The following MAGEB5 variants were observed in gnomAD, a reference collection of about 807,000 sequenced individuals.
MAGEB5 encodes the protein MAGE family member B5.
For missense variants in MAGEB5, 189 were observed against 197.1 expected (o/e 0.96, Z 0.25); for synonymous variants, 70 against 75.0 (o/e 0.93, Z 0.34).
rs755634192 is a variant in MAGEB5, at chrX:26,217,900, A to G, written c.599A>G (p.Tyr200Cys). The change falls in exon 2 of 2, where the codon TAT (tyrosine) becomes TGT (cysteine). Residue 200 changes from tyrosine to cysteine, a missense_variant. By Grantham distance (194) the Tyr-to-Cys change is radical. Transcript: ENST00000602297. ...GTGCCCTGCAGTTATCCTGCACACT[A>G]TCAATTCCTTTGGGGTCCAAGAGCC... ...HQVPCSYPAHYQFLWGPRAYT... is the reference protein window; with the variant it reads ...HQVPCSYPAHCQFLWGPRAYT... 8.3e-6 allele frequency: 10 copies of G among 1,203,197 alleles called. No individual in the cohort carries two copies. In the African/African-American group the frequency reaches 1.8e-4, roughly 21 times the overall value.
At position 26,217,327 on chromosome X, in the gene MAGEB5, C is replaced by A; in HGVS notation, c.26C>A (p.Ala9Glu). ...ATGACTTCTGCAGGTGTTTTTAATG[C>A]AGGATCTGACGAAAGGGCTAACAGT... MTSAGVFN[A>E]GSDERANSRD... Residue 9 changes from alanine to glutamate, a missense_variant, in exon 2 of 2, where the codon GCA becomes GAA. By Grantham distance (107) the Ala-to-Glu change is moderately radical (BLOSUM62 -1). Transcript: ENST00000602297. The A allele has an allele frequency of 1.7e-6, 2 of 1,151,067 alleles. No individual in the cohort carries two copies. Among genetic ancestry groups the A allele is most frequent in the Non-Finnish European group, 2.3e-6 (2 of 866,320 alleles). 94.9% of individuals were successfully genotyped at this position (1,151,067 alleles called of 1,213,427 possible). A position where few individuals can be genotyped will look rare whatever the true frequency, so the allele number is the denominator to read the frequency against.
rs1399202306 is a variant in MAGEB5 at position 26,218,114 on chromosome X, C to G, written c.813C>G (p.Phe271Leu). ...GTCTCAGGGCGAAGTTCAGCAGCTTCTCTCAACCCTATTGAAGTCTGAAGC... is the reference window on the plus strand; with the variant it reads ...GTCTCAGGGCGAAGTTCAGCAGCTTGTCTCAACCCTATTGAAGTCTGAAGC... The part of the protein sequence containing the change: ...QDCLRAKFSS[F>L]SQPY Residue 271 changes from phenylalanine (F) to leucine (L), a missense_variant, in exon 2 of 2, where the codon TTC (phenylalanine) becomes TTG (leucine). By Grantham distance (22) the Phe-to-Leu change is conservative (BLOSUM62 0). Transcript: ENST00000602297. 7.0e-6 allele frequency: 8 copies of G among 1,140,870 alleles called. No individual in the cohort carries two copies. The highest frequency in any genetic ancestry group is 9.3e-6 in the Non-Finnish European group (8 of 858,950). The allele number at this position is 1,140,870 out of a possible 1,213,427, so 94.0% of individuals were successfully genotyped here.
In MAGEB5 at chrX:26,217,527, A is replaced by C; in HGVS notation, c.226A>C (p.Asn76His). 8.6e-7 allele frequency: 1 copy of C among 1,166,348 alleles called. No homozygotes were observed. The highest frequency in any genetic ancestry group is 1.9e-5 in the South Asian group (1 of 52,489). Residue 76 changes from asparagine (N) to histidine (H), a missense_variant, in exon 2 of 2, where the codon AAC (asparagine) becomes CAC (histidine). By Grantham distance (68) the Asn-to-His change is moderately conservative. Coordinates refer to ENST00000602297, the MANE Select transcript of MAGEB5 (RefSeq NM_001271752.1). ...GAAGATTGTCAACCCAAGATACCAA[A>C]ACCAGTTTGCTGAGATTCACAGAAG... ...MLKIVNPRYQ[N>H]QFAEIHRRAS...
Position 26,217,349 on chromosome X carries a change from C to T in MAGEB5, c.48C>T (p.Asn16=). The change falls in exon 2 of 2, where the codon AAC becomes AAT. Residue 16 remains asparagine, a synonymous_variant. Transcript: ENST00000602297. ...ATGCAGGATCTGACGAAAGGGCTAA[C>T]AGTAGAGATGAGGAGTACCCATGTT... ...VFNAGSDERA[N]SRDEEYPCSS... 1 of 1,163,264 alleles carries T rather than the reference C, an allele frequency of 8.6e-7. No individual in the cohort carries two copies. The highest frequency in any genetic ancestry group is 1.1e-6 in the Non-Finnish European group (1 of 871,781).
Position 26,218,252 on chromosome X carries a change from C to A in MAGEB5, c.*123C>A. ...AATGAAATAGAAAAAAATAATAAAA[C>A]ATGATCTTGGTTTTCTTCATTCCTT... On this transcript the variant is annotated 3_prime_UTR_variant, in exon 2 of 2. Coordinates refer to ENST00000602297, the MANE Select transcript of MAGEB5 (RefSeq NM_001271752.1). The A allele has an allele frequency of 2.2e-6, 1 of 450,647 alleles. No individual in the cohort carries two copies. Among genetic ancestry groups the A allele is most frequent in the Non-Finnish European group, 3.6e-6 (1 of 278,688 alleles). The allele number at this position is 450,647 out of a possible 1,213,427, so 37.1% of individuals were successfully genotyped here. A position where few individuals can be genotyped will look rare whatever the true frequency, so the allele number is the denominator to read the frequency against.
rs749289369 is a variant in MAGEB5, at chrX:26,217,919, A to G, written c.618A>G (p.Pro206=). 1 of 1,207,917 alleles carries G rather than the reference A, an allele frequency of 8.3e-7. No individual in the cohort carries two copies. Among genetic ancestry groups the G allele is most frequent in the African/African-American group, 1.7e-5 (1 of 57,779 alleles). The stretch of plus-strand genomic sequence containing the variant: ...CACACTATCAATTCCTTTGGGGTCC[A>G]AGAGCCTATACTGAAACCAGCAAGA... ...YPAHYQFLWG[P]RAYTETSKMK... The change falls in exon 2 of 2, where the codon CCA becomes CCG. Residue 206 remains proline (P), a synonymous_variant. Coordinates refer to ENST00000602297, the MANE Select transcript of MAGEB5 (RefSeq NM_001271752.1).
Position 26,217,924 on chromosome X carries a change from C to T in MAGEB5, c.623C>T (p.Ala208Val), listed in dbSNP as rs1014638986. ...AHYQFLWGPR[A>V]YTETSKMKVL... ...TATCAATTCCTTTGGGGTCCAAGAG[C>T]CTATACTGAAACCAGCAAGATGAAA... The change falls in exon 2 of 2, where the codon GCC becomes GTC. Residue 208 changes from alanine (A) to valine (V), a missense_variant. Physicochemically the swap from Ala to Val is moderately conservative, Grantham distance 64. Transcript: ENST00000602297. 8.3e-7 allele frequency: 1 copy of T among 1,206,268 alleles called. No individual in the cohort carries two copies. The highest frequency in any genetic ancestry group is 1.1e-6 in the Non-Finnish European group (1 of 893,311).
rs751910895 is a variant in MAGEB5 at position 26,218,066 on chromosome X, G to A, written c.765G>A (p.Trp255Ter). 2.6e-6 allele frequency: 3 copies of A among 1,167,018 alleles called. No individual in the cohort carries two copies. The highest frequency in any genetic ancestry group is 3.4e-6 in the Non-Finnish European group (3 of 873,704). The change falls in exon 2 of 2, where the codon TGG becomes TGA. Residue 255 changes from tryptophan to a stop codon, truncating the protein, a stop_gained. Transcript: ENST00000602297. LOFTEE classifies it low-confidence loss of function (END_TRUNC). ...ESPSQRCSRNWHYCSGQDCLR... is the reference protein window; with the variant it reads ...ESPSQRCSRN ...CAAGCCAGAGATGCAGCCGAAACTG[G>A]CACTACTGCAGTGGCCAAGACTGTC... is the stretch of plus-strand genomic sequence containing the variant.
In MAGEB5 at chrX:26,218,036, G is replaced by C; in HGVS notation, c.735G>C (p.Glu245Asp). ...AAGAGGCTTTGCAAGATGAGGAAGA[G>C]AGCCCAAGCCAGAGATGCAGCCGAA... Reference protein sequence around the residue: ...QYEEALQDEEESPSQRCSRNW... With the variant: ...QYEEALQDEEDSPSQRCSRNW... Residue 245 changes from glutamate (E) to aspartate (D), a missense_variant, in exon 2 of 2, where the codon GAG becomes GAC. Physicochemically the swap from Glu to Asp is conservative, Grantham distance 45. Transcript: ENST00000602297. 8.5e-7 allele frequency: 1 copy of C among 1,176,842 alleles called. No homozygotes were observed. The highest frequency in any genetic ancestry group is 1.1e-6 in the Non-Finnish European group (1 of 878,209).
Position 26,217,718 on chromosome X carries a change from G to C in MAGEB5, c.417G>C (p.Val139=), listed in dbSNP as rs1929470744. The C allele has an allele frequency of 1.7e-6, 2 of 1,167,079 alleles. No homozygotes were observed. The highest frequency in any genetic ancestry group is 6.5e-5 in the East Asian group (2 of 30,748). ...KTGLLMTFLV[V]IFLKGNCANK... ...GTCTCCTCATGACTTTCCTGGTTGT[G>C]ATCTTCCTGAAAGGCAACTGTGCCA... Residue 139 remains valine, a synonymous_variant, in exon 2 of 2, where the codon GTG becomes GTC. Transcript: ENST00000602297.
In MAGEB5 at chrX:26,217,515, C is replaced by A. The variant is rs1929466518; in HGVS notation, c.214C>A (p.Pro72Thr). 8.6e-7 allele frequency: 1 copy of A among 1,164,253 alleles called. No individual in the cohort carries two copies. The highest frequency in any genetic ancestry group is 2.6e-5 in the Admixed American group (1 of 38,398). ...GGAAGATATGCTGAAGATTGTCAACCCAAGATACCAAAACCAGTTTGCTGA... is the reference window on the plus strand; with the variant it reads ...GGAAGATATGCTGAAGATTGTCAACACAAGATACCAAAACCAGTTTGCTGA... ...LKEDMLKIVN[P>T]RYQNQFAEIH... The change falls in exon 2 of 2, where the codon CCA becomes ACA. Residue 72 changes from proline to threonine, a missense_variant. By Grantham distance (38) the Pro-to-Thr change is conservative. Transcript: ENST00000602297.
In MAGEB5 at chrX:26,218,208, C is replaced by A; in HGVS notation, c.*79C>A. On this transcript the variant is annotated 3_prime_UTR_variant, in exon 2 of 2. Coordinates refer to ENST00000602297, the MANE Select transcript of MAGEB5 (RefSeq NM_001271752.1). The stretch of plus-strand genomic sequence containing the variant: ...TTTTTTTGGAAATACAAAAGAACCC[C>A]CAGTAAAATAATTGAGATAATGAAA... The A allele has an allele frequency of 6.8e-6, 4 of 589,651 alleles. No individual in the cohort carries two copies. Among genetic ancestry groups the A allele is most frequent in the Non-Finnish European group, 7.5e-6 (3 of 402,313 alleles). The allele number at this position is 589,651 out of a possible 1,213,427, so 48.6% of individuals were successfully genotyped here. A position where few individuals can be genotyped will look rare whatever the true frequency, so the allele number is the denominator to read the frequency against.
At chrX:26,216,990 C>T (rs968676764) in intron 1 of MAGEB5, 95 bp from the exon 2 acceptor site, 17 of 247,395 alleles carry the variant, frequency 6.9e-5, no homozygotes, top group South Asian at 4.1e-4. Context: ...AGAATTTCCA[C>T]GTTGAAGGTG....
rs1929464184 is a variant in MAGEB5, at chrX:26,217,383, G to A, written c.82G>A (p.Val28Ile). 2 of 1,166,680 alleles carry A rather than the reference G, an allele frequency of 1.7e-6. No homozygotes were observed. The highest frequency in any genetic ancestry group is 3.2e-5 in the East Asian group (1 of 30,774). Reference sequence around the variant, plus strand: ...TGAGGAGTACCCATGTTCCTCAGAGGTCTCACCCTCCACTGAGAGTTCATG... The same window carrying A: ...TGAGGAGTACCCATGTTCCTCAGAGATCTCACCCTCCACTGAGAGTTCATG... ...RDEEYPCSSE[V>I]SPSTESSCSN... The change falls in exon 2 of 2, where the codon GTC (valine) becomes ATC (isoleucine). Residue 28 changes from valine (V) to isoleucine (I), a missense_variant. Physicochemically the swap from Val to Ile is conservative, Grantham distance 29 (BLOSUM62 3). Transcript: ENST00000602297.
chrX:26,216,916 A>G (rs1200350217), intron 1 of MAGEB5, among the ~76,000 whole-genome samples, 169 bp from the exon 2 acceptor site: 1 of 112,351 alleles, frequency 8.9e-6, no homozygotes, highest in African/African-American at 3.2e-5. Context: ...ACAGAATCCC[A>G]GTGGGTTCCT....
intron 1 of MAGEB5, among the ~76,000 whole-genome samples, chrX:26,216,483 T>G (rs1265218989): frequency 9.0e-5 from 10 of 111,640 alleles, no homozygotes; most frequent in African/African-American, 1.3e-4. Context: ...GGAGGTGAGA[T>G]CCTTAGTCTG....
chrX:26,217,771 A>C lies in MAGEB5; in HGVS notation c.470A>C (p.Asp157Ala), dbSNP rs910056141. The C allele has an allele frequency of 9.4e-6, 11 of 1,165,448 alleles. No individual in the cohort carries two copies. The highest frequency in any genetic ancestry group is 1.8e-5 in the African/African-American group (1 of 55,732). The change falls in exon 2 of 2, where the codon GAT (aspartate) becomes GCT (alanine). Residue 157 changes from aspartate (D) to alanine (A), a missense_variant. Coordinates refer to ENST00000602297, the MANE Select transcript of MAGEB5 (RefSeq NM_001271752.1). ...ANKEDTWKFL[D>A]MMQIYDGKKY... Reference sequence around the variant, plus strand: ...AAGGAAGATACCTGGAAATTTCTGGATATGATGCAAATATATGATGGGAAG... The same window carrying C: ...AAGGAAGATACCTGGAAATTTCTGGCTATGATGCAAATATATGATGGGAAG...
In MAGEB5 at chrX:26,218,117, T is replaced by C. The variant is rs1385601896; in HGVS notation, c.816T>C (p.Ser272=). ...DCLRAKFSSF[S]QPY is the part of the protein sequence containing the mutation. Reference sequence around the variant, plus strand: ...TCAGGGCGAAGTTCAGCAGCTTCTCTCAACCCTATTGAAGTCTGAAGCTTT... The same window carrying C: ...TCAGGGCGAAGTTCAGCAGCTTCTCCCAACCCTATTGAAGTCTGAAGCTTT... The change falls in exon 2 of 2, where the codon TCT becomes TCC. Residue 272 remains serine, a synonymous_variant. Coordinates refer to ENST00000602297, the MANE Select transcript of MAGEB5 (RefSeq NM_001271752.1). 2.6e-6 allele frequency: 3 copies of C among 1,139,458 alleles called. No homozygotes were observed. The highest frequency in any genetic ancestry group is 3.5e-6 in the Non-Finnish European group (3 of 858,114). 93.9% of individuals were successfully genotyped at this position (1,139,458 alleles called of 1,213,427 possible).
Position 26,217,947 on chromosome X carries a change from A to G in MAGEB5, c.646A>G (p.Lys216Glu). 1 of 1,207,672 alleles carries G rather than the reference A, an allele frequency of 8.3e-7. No homozygotes were observed. Among genetic ancestry groups the G allele is most frequent in the East Asian group, 3.0e-5 (1 of 33,755 alleles). ...AGCCTATACTGAAACCAGCAAGATG[A>G]AAGTCCTGGAATATTTGGCCAAGGT... ...PRAYTETSKM[K>E]VLEYLAKVND... Residue 216 changes from lysine to glutamate, a missense_variant, in exon 2 of 2, where the codon AAA becomes GAA. Transcript: ENST00000602297.
Sources: allele counts gnomAD v4.1 joint callset (sites outside exome capture counted in the v4.1 genomes callset), GRCh38; gene constraint gnomAD v4.1.1; transcripts MANE v1.5; gene names NCBI Gene and HGNC (gene_info 2026-07-23, HGNC 2026-07-21).